Variants in TNRC6B observed in about 807,000 individuals in gnomAD.
TNRC6B encodes trinucleotide repeat-containing gene 6B protein.
In TNRC6B, 52 loss-of-function variants were observed where a neutral mutation model predicts 203.6. The ratio of observed to expected loss-of-function variants is 0.26; its 90% CI spans 0.20 to 0.32. The LOEUF is 0.32. TNRC6B is among the 10% of genes least tolerant of loss of function. The probability of loss-of-function intolerance (pLI) is 1.00; values close to 1 mark genes in which losing one functional copy is unlikely to be tolerated. For missense variants in TNRC6B, 1,923 were observed against 2,286.2 expected (o/e 0.84, Z 3.24); for synonymous variants, 838 against 845.7 (o/e 0.99, Z 0.16).
chr22:40,286,879 G>T (rs185458088), intron 12 of TNRC6B, among the ~76,000 whole-genome samples: 2 of 152,314 alleles, frequency 1.3e-5, no homozygotes, highest in African/African-American at 4.8e-5. Context: ...TGTGGCCTTA[G>T]TCCCTCCTTA....
chr22:40,097,669 T>TACACACAAACAC, intron 1 of TNRC6B, among the ~76,000 whole-genome samples: 1 of 135,640 alleles, frequency 7.4e-6, no homozygotes, highest in East Asian at 2.3e-4. Context: ...AGGTATATCA[T>TACACACAAACAC]ACACACACAC....
At chr22:40,134,392 G>A (rs2068580789) in intron 3 of TNRC6B, among the ~76,000 whole-genome samples, 1 of 152,140 alleles carries the variant, frequency 6.6e-6, no homozygotes, top group Non-Finnish European at 1.5e-5. Flanking sequence ...CAGAATACCT[G>A]ATCAGCACTC....
At chr22:40,202,267 T>G (rs1009444905) in intron 1 of TNRC6B, among the ~76,000 whole-genome samples, 14 of 151,774 alleles carry the variant, frequency 9.2e-5, no homozygotes, top group Admixed American at 6.6e-4. Context: ...TTTGTTTTTT[T>G]TTTTTTTGCC....
At chr22:40,081,976 C>A (rs1314574236) in intron 1 of TNRC6B, among the ~76,000 whole-genome samples, 1 of 152,032 alleles carries the variant, frequency 6.6e-6, no homozygotes, top group African/African-American at 2.4e-5. Flanking sequence ...TTCAAAGCAA[C>A]AACAACAAAA....
chr22:40,244,772 A>G (rs1289934942), intron 1 of TNRC6B, among the ~76,000 whole-genome samples: 2 of 152,216 alleles, frequency 1.3e-5, no homozygotes, highest in Non-Finnish European at 2.9e-5. Flanking sequence ...CAGCGATGAA[A>G]TTCCATAAGC....
At chr22:40,277,054 G>A (rs773453698) in intron 7 of TNRC6B, 23 bp from the exon 8 acceptor site, 3 of 1,557,074 alleles carry the variant, frequency 1.9e-6, no homozygotes, top group African/African-American at 1.4e-5. Flanking sequence ...TTGGTTCTGA[G>A]GTTCCGTGTT....
chr22:40,078,910 C>A (rs1177685920), intron 1 of TNRC6B, among the ~76,000 whole-genome samples: 1 of 151,686 alleles, frequency 6.6e-6, no homozygotes, highest in African/African-American at 2.4e-5. Flanking sequence ...CCTGTCTCTA[C>A]CAAAAATACA....
chr22:40,263,705 A>G (rs1480816933), intron 4 of TNRC6B, among the ~76,000 whole-genome samples: 1 of 152,200 alleles, frequency 6.6e-6, no homozygotes, highest in Non-Finnish European at 1.5e-5. Context: ...ATTCCACCAA[A>G]ATATATGGTG....
At chr22:40,078,850 G>C (rs1375217523) in intron 1 of TNRC6B, among the ~76,000 whole-genome samples, 1 of 151,894 alleles carries the variant, frequency 6.6e-6, no homozygotes, top group Non-Finnish European at 1.5e-5. Context: ...GAGGTGGGTG[G>C]ATCACCTGAA....
chr22:40,068,823 G>A (rs946562396), intron 1 of TNRC6B, among the ~76,000 whole-genome samples: 1 of 151,890 alleles, frequency 6.6e-6, no homozygotes, highest in African/African-American at 2.4e-5. Flanking sequence ...GCCTGAAGTA[G>A]TCCTCCCTGC....
At chr22:40,294,237 AG>A (rs2070908982) in intron 12 of TNRC6B, among the ~76,000 whole-genome samples, 1 of 152,140 alleles carries the variant, frequency 6.6e-6, no homozygotes, top group Non-Finnish European at 1.5e-5. Context: ...TGGACAATAG[AG>A]TGAGACCCTG....
intron 4 of TNRC6B, among the ~76,000 whole-genome samples, chr22:40,263,960 A>C (rs375712950): frequency 2.6e-5 from 4 of 152,374 alleles, no homozygotes; most frequent in East Asian, 1.9e-4. Context: ...GTGCCACAGC[A>C]CTGAGCAAAA....
chr22:40,312,902 G>A lies in TNRC6B; in HGVS notation c.4583G>A (p.Gly1528Glu). Reference sequence around the variant, plus strand: ...TTCTTCTTGTTCTTTGTTACCCAAGGGTCTAATTCTTCCCTCAACACCTCG... The same window carrying A: ...TTCTTCTTGTTCTTTGTTACCCAAGAGTCTAATTCTTCCCTCAACACCTCG... ...DHQLLRDNTT[G>E]SNSSLNTSLP... is the part of the protein sequence containing the mutation. The change falls in exon 19 of 23, where the codon GGG becomes GAG. Residue 1528 changes from glycine to glutamate, a missense_variant and splice_region_variant. Gly to Glu is a moderately conservative substitution (Grantham distance 98, BLOSUM62 -2). Around this residue, in one of 8 missense-constraint regions of TNRC6B, gnomAD observed 159 missense variants for 181.0 expected, o/e 0.88. Transcript: ENST00000454349. 6.2e-7 allele frequency: 1 copy of A among 1,612,920 alleles called. No individual in the cohort carries two copies. The highest frequency in any genetic ancestry group is 1.1e-5 in the South Asian group (1 of 90,898).
chr22:40,116,891 C>T lies in TNRC6B; in HGVS notation c.-120-164C>T, dbSNP rs574461045. Reference sequence around the variant, plus strand: ...ATGAAGAAGGTGTTGTTATTGTTCCCAGTGTTGGTTGAGGAAGCTGAGCTC... The same window carrying T: ...ATGAAGAAGGTGTTGTTATTGTTCCTAGTGTTGGTTGAGGAAGCTGAGCTC... On this transcript the variant is annotated intron_variant, in intron 1 of 23. Transcript: ENST00000301923. Among the ~76,000 whole-genome samples, 140 of 152,166 alleles carry T rather than the reference C, an allele frequency of 9.2e-4. 2 individuals carry two copies. In the South Asian group the frequency reaches 0.023, roughly 25 times the overall value.
intron 15 of TNRC6B, among the ~76,000 whole-genome samples, chr22:40,302,347 G>A (rs1261773494): frequency 6.6e-5 from 10 of 152,044 alleles, no homozygotes; most frequent in African/African-American, 1.2e-4. Flanking sequence ...CTCAAAAAAC[G>A]AGTTGGGCCG....
chr22:40,201,571 G>A (rs539372248), intron 1 of TNRC6B, among the ~76,000 whole-genome samples: 4 of 151,822 alleles, frequency 2.6e-5, no homozygotes, highest in African/African-American at 9.7e-5. Flanking sequence ...GAGTAGCTGG[G>A]ACTACAGGCG....
chr22:40,063,915 T>C (rs8141479), intron 1 of TNRC6B, among the ~76,000 whole-genome samples: 6,690 of 152,152 alleles, frequency 0.044, 444 homozygotes, highest in African/African-American at 0.14. Context: ...GTTGCCTAGG[T>C]TGGTCTCGAA....
chr22:40,092,415 C>T (rs1427601202), intron 1 of TNRC6B, among the ~76,000 whole-genome samples: 1 of 149,728 alleles, frequency 6.7e-6, no homozygotes, highest in Admixed American at 6.7e-5. Context: ...AAAAAAAAAA[C>T]AGATTTGAAA....
chr22:40,127,626 CT>C (rs1465872227), intron 3 of TNRC6B, among the ~76,000 whole-genome samples: 1 of 152,182 alleles, frequency 6.6e-6, no homozygotes, highest in Non-Finnish European at 1.5e-5. Context: ...AATCCCAGCA[CT>C]TTGGGAGTCC....
Sources: allele counts gnomAD v4.1 joint callset (sites outside exome capture counted in the v4.1 genomes callset), GRCh38; gene constraint gnomAD v4.1.1; regional missense constraint gnomAD v4.1.1; transcripts MANE v1.5; gene names NCBI Gene and HGNC (gene_info 2026-07-23, HGNC 2026-07-21).